The following NTF3 variants were observed in gnomAD, a reference collection of about 807,000 sequenced individuals.
The protein encoded by NTF3 is neurotrophin 3.
In NTF3, 8 loss-of-function variants were observed where a neutral mutation model predicts 26.3. The observed-to-expected ratio is 0.30, with a 90% CI of 0.18 to 0.55. The LOEUF (loss-of-function observed/expected upper bound fraction) is 0.55. Ranked by LOEUF, NTF3 falls within the 20% of genes least tolerant of loss-of-function variation. The pLI is 0.93. For synonymous variants in NTF3, 154 were observed against 145.5 expected, an observed-to-expected ratio of 1.06 and a Z score of -0.42; for missense variants, 276 against 352.9, an observed-to-expected ratio of 0.78 and a Z score of 1.75.
chr12:5,435,816 G>A (rs1291914403), intron 1 of NTF3, among the ~76,000 whole-genome samples: 2 of 151,374 alleles, frequency 1.3e-5, no homozygotes, highest in African/African-American at 2.5e-5. Context: ...AGTGTGTGTT[G>A]GGGGGGTGGG....
intron 1 of NTF3, among the ~76,000 whole-genome samples, chr12:5,484,938 C>A (rs1940850439): frequency 6.6e-6 from 1 of 152,152 alleles, no homozygotes; most frequent in Non-Finnish European, 1.5e-5. Context: ...GTGCCAAGAA[C>A]CTACATTATT....
intron 1 of NTF3, among the ~76,000 whole-genome samples, chr12:5,451,023 C>T (rs1940366042): frequency 2.0e-5 from 3 of 152,192 alleles, no homozygotes; most frequent in African/African-American, 2.4e-5. Context: ...GTCCAGACAG[C>T]CCTAACCACT....
intron 1 of NTF3, among the ~76,000 whole-genome samples, chr12:5,454,349 T>C (rs1291628672): frequency 6.6e-6 from 1 of 152,204 alleles, no homozygotes; most frequent in Admixed American, 6.5e-5. Flanking sequence ...GTCAACCCAA[T>C]TGGATTAAGT....
intron 1 of NTF3, among the ~76,000 whole-genome samples, chr12:5,478,023 A>G (rs1940745124): frequency 6.6e-6 from 1 of 152,152 alleles, no homozygotes; most frequent in South Asian, 2.1e-4. Flanking sequence ...ATAAAATGTT[A>G]ATGTATTTAC....
chr12:5,481,507 C>G (rs1212995730), intron 1 of NTF3, among the ~76,000 whole-genome samples: 2 of 147,120 alleles, frequency 1.4e-5, no homozygotes, highest in African/African-American at 5.1e-5. Context: ...CACAGAATAC[C>G]ACACACACAT....
intron 1 of NTF3, among the ~76,000 whole-genome samples, chr12:5,453,680 C>T (rs1782144417): frequency 6.6e-6 from 1 of 152,216 alleles, no homozygotes; most frequent in African/African-American, 2.4e-5. Context: ...GTCTCATGCT[C>T]CTTCATGCTT....
chr12:5,430,989 T>C (rs779356585), upstream of NTF3, among the ~76,000 whole-genome samples: 41 of 151,672 alleles, frequency 2.7e-4, no homozygotes, highest in African/African-American at 9.4e-4. Flanking sequence ...GTGGTATTTT[T>C]CCCCCTTCTC....
In NTF3 at chr12:5,494,595, C is replaced by A. The variant is rs1370504771; in HGVS notation, c.420C>A (p.Pro140=). Residue 140 remains proline, a synonymous_variant, in exon 2 of 2, where the codon CCC becomes CCA. Transcript: ENST00000423158. The surrounding 1 kb of genome is among the most constrained non-coding windows in gnomAD (Gnocchi z 8.3). The part of the protein sequence containing the change: ...LYLMEDYVGS[P]VVANRTSRRK... ...TCATGGAGGATTACGTGGGCAGCCC[C>A]GTGGTGGCGAACAGAACATCACGGC... The A allele has an allele frequency of 6.2e-7, 1 of 1,614,066 alleles. No individual in the cohort carries two copies. Among genetic ancestry groups the A allele is most frequent in the Non-Finnish European group, 8.5e-7 (1 of 1,180,012 alleles).
intron 1 of NTF3, among the ~76,000 whole-genome samples, chr12:5,445,751 T>A (rs547215940): frequency 2.0e-3 from 308 of 152,360 alleles, no homozygotes; most frequent in African/African-American, 6.3e-3. Flanking sequence ...ACTGCTAATC[T>A]ACTCTGCTCT....
At chr12:5,468,648 A>T (rs1940622517) in intron 1 of NTF3, among the ~76,000 whole-genome samples, 1 of 152,246 alleles carries the variant, frequency 6.6e-6, no homozygotes, top group Non-Finnish European at 1.5e-5. Flanking sequence ...CTTAGAGCTT[A>T]ATGGTAGCCT....
chr12:5,482,525 C>G (rs1273550584), intron 1 of NTF3, among the ~76,000 whole-genome samples: 2 of 152,180 alleles, frequency 1.3e-5, no homozygotes, highest in Non-Finnish European at 2.9e-5. Flanking sequence ...GGAGCAGTCT[C>G]TAATGTGAAT....
chr12:5,463,436 G>A (rs1197004279), intron 1 of NTF3, among the ~76,000 whole-genome samples: 1 of 152,130 alleles, frequency 6.6e-6, no homozygotes, highest in African/African-American at 2.4e-5. Context: ...CAGGGAGTTC[G>A]AAGGTGGCAG....
In NTF3 at chr12:5,495,297, T is replaced by C; in HGVS notation, c.*309T>C. On this transcript the variant is annotated 3_prime_UTR_variant, in exon 2 of 2. Coordinates refer to ENST00000423158, the MANE Select transcript of NTF3 (RefSeq NM_001102654.2). The stretch of plus-strand genomic sequence containing the variant: ...TGTTGTTTTAGTAAACTTGTTAAAA[T>C]CAGATGATGTCAGAGTTGTGTATAA... 1 of 331,536 alleles carries C rather than the reference T, an allele frequency of 3.0e-6. No individual in the cohort carries two copies. Among genetic ancestry groups the C allele is most frequent in the African/African-American group, 2.1e-5 (1 of 46,580 alleles). 20.5% of individuals were successfully genotyped at this position (331,536 alleles called of 1,614,324 possible).
At chr12:5,470,885 T>TA (rs1940656253) in intron 1 of NTF3, among the ~76,000 whole-genome samples, 1 of 152,226 alleles carries the variant, frequency 6.6e-6, no homozygotes, top group East Asian at 1.9e-4. Context: ...TGATTTCTGA[T>TA]AAAGTCTATT....
chr12:5,437,204 A>G (rs1940177730), intron 1 of NTF3, among the ~76,000 whole-genome samples: 1 of 152,202 alleles, frequency 6.6e-6, no homozygotes, highest in Admixed American at 6.5e-5. Context: ...CTCCTGGCTC[A>G]GAGTCAGGCT....
chr12:5,478,740 G>A (rs999398228), intron 1 of NTF3, among the ~76,000 whole-genome samples: 14 of 152,208 alleles, frequency 9.2e-5, no homozygotes, highest in African/African-American at 3.1e-4. Flanking sequence ...TCAAATAAAC[G>A]ACTTTAACAT....
intron 1 of NTF3, among the ~76,000 whole-genome samples, chr12:5,474,774 T>C (rs1940702872): frequency 6.6e-6 from 1 of 151,970 alleles, no homozygotes; most frequent in Non-Finnish European, 1.5e-5. Flanking sequence ...GCATGGACTG[T>C]AGAGAAAAGG....
chr12:5,437,435 G>A (rs1037972769), intron 1 of NTF3, among the ~76,000 whole-genome samples: 4 of 151,764 alleles, frequency 2.6e-5, no homozygotes, highest in Admixed American at 2.0e-4. Flanking sequence ...TGTATCAGAT[G>A]TTCAGGCCTC....
At chr12:5,461,157 A>G (rs769421777) in intron 1 of NTF3, among the ~76,000 whole-genome samples, 3 of 152,190 alleles carry the variant, frequency 2.0e-5, no homozygotes, top group African/African-American at 2.4e-5. Flanking sequence ...GGATGTGCGA[A>G]CCATAATTAT....
Sources: allele counts gnomAD v4.1 joint callset (sites outside exome capture counted in the v4.1 genomes callset), GRCh38; gene constraint gnomAD v4.1.1; non-coding constraint Gnocchi (gnomAD v3.1); transcripts MANE v1.5; gene names NCBI Gene and HGNC (gene_info 2026-07-23, HGNC 2026-07-21).